The following GPHN variants were observed in gnomAD, a reference collection of about 807,000 sequenced individuals.
GPHN encodes the protein gephyrin.
A neutral mutation model predicts 95.5 loss-of-function variants in GPHN; 17 were observed. The ratio of observed to expected loss-of-function variants is 0.18; its 90% CI spans 0.12 to 0.27. The LOEUF (loss-of-function observed/expected upper bound fraction) is 0.27, where lower values mean the gene tolerates loss of function less well. Ranked by LOEUF, GPHN falls within the 10% of genes least tolerant of loss-of-function variation. The pLI, the probability that GPHN is intolerant of heterozygous loss-of-function variation, is 1.00. For missense variants in GPHN, 660 were observed against 978.1 expected (o/e 0.67, Z 4.34); for synonymous variants, 320 against 322.5 (o/e 0.99, Z 0.08).
Position 66,850,914 on chromosome 14 carries a change from TATG to T in GPHN, c.294+26351_294+26353del, listed in dbSNP as rs929940833. Among the ~76,000 whole-genome samples, 57 of 152,256 alleles carry T rather than the reference TATG, an allele frequency of 3.7e-4. No individual in the cohort carries two copies. In the East Asian group the frequency reaches 4.2e-3, roughly 11 times the overall value. On this transcript the variant is annotated intron_variant, in intron 4 of 22. Coordinates refer to ENST00000478722, the MANE Select transcript of GPHN (RefSeq NM_020806.5). ...AATGATAATGAGATTTTAAAAATGA[TATG>T]ATATTAACATATAATAATGTAATAT...
At chr14:66,525,087 A>G (rs1227817974) in intron 1 of GPHN, among the ~76,000 whole-genome samples, 1 of 152,162 alleles carries the variant, frequency 6.6e-6, no homozygotes, top group Non-Finnish European at 1.5e-5. Context: ...GTCTTCCCTA[A>G]TGATTGAACT....
chr14:67,199,148 G>A, the GPHN span: 5 of 1,548,420 alleles, frequency 3.2e-6, no homozygotes, highest in African/African-American at 1.4e-5. Context: ...AACCGCTACT[G>A]TGGGAACTGT....
intron 10 of GPHN, among the ~76,000 whole-genome samples, chr14:67,048,103 A>G (rs2075127801): frequency 6.6e-6 from 1 of 152,200 alleles, no homozygotes; most frequent in Non-Finnish European, 1.5e-5. Flanking sequence ...GATAACAAAG[A>G]TCCATATTGT....
At chr14:66,712,801 A>G (rs1249150195) in intron 2 of GPHN, among the ~76,000 whole-genome samples, 1 of 152,096 alleles carries the variant, frequency 6.6e-6, no homozygotes, top group Non-Finnish European at 1.5e-5. Flanking sequence ...ATCCACACCA[A>G]CATCTAATGG....
At chr14:67,545,036 G>A in the GPHN span, among the ~76,000 whole-genome samples, 1 of 152,218 alleles carries the variant, frequency 6.6e-6, no homozygotes, top group East Asian at 1.9e-4. Flanking sequence ...TTTGGCTGCT[G>A]TAAGAAAGAA....
At chr14:66,691,060 G>C (rs1242246641) in intron 2 of GPHN, among the ~76,000 whole-genome samples, 1 of 152,134 alleles carries the variant, frequency 6.6e-6, no homozygotes, top group Non-Finnish European at 1.5e-5. Context: ...ATTAAGTATA[G>C]GCTGGGTACA....
chr14:66,729,502 G>A (rs1179101048), intron 2 of GPHN, among the ~76,000 whole-genome samples: 1 of 152,034 alleles, frequency 6.6e-6, no homozygotes, highest in African/African-American at 2.4e-5. Flanking sequence ...TGGTTATAGC[G>A]ATCTACGAGT....
the GPHN span, chr14:67,320,980 CT>C: frequency 8.3e-7 from 1 of 1,206,656 alleles, no homozygotes; most frequent in Non-Finnish European, 1.2e-6. Flanking sequence ...AATAGAAATT[CT>C]TTCTGACTAG....
chr14:67,193,601 A>G, the GPHN span, among the ~76,000 whole-genome samples: 1 of 145,690 alleles, frequency 6.9e-6, no homozygotes, highest in Non-Finnish European at 1.5e-5. Context: ...ATATATATCT[A>G]TAGATATATA....
the GPHN span, among the ~76,000 whole-genome samples, chr14:67,669,052 A>T: frequency 2.2e-4 from 34 of 152,274 alleles, no homozygotes; most frequent in African/African-American, 7.7e-4. Context: ...TATTCTAAGG[A>T]CTTTACATAT....
intron 3 of GPHN, among the ~76,000 whole-genome samples, chr14:66,816,005 C>A (rs942539042): frequency 2.6e-5 from 4 of 152,122 alleles, no homozygotes; most frequent in Non-Finnish European, 5.9e-5. Context: ...CCAAGGGTTG[C>A]AGTTCTACTT....
intron 4 of GPHN, among the ~76,000 whole-genome samples, chr14:66,825,897 A>C (rs1052454694): frequency 2.0e-5 from 3 of 152,188 alleles, no homozygotes; most frequent in Non-Finnish European, 2.9e-5. Flanking sequence ...TGACTGACTG[A>C]AAAAGTACAA....
chr14:66,635,866 C>T (rs2064069618), intron 1 of GPHN, among the ~76,000 whole-genome samples: 2 of 151,900 alleles, frequency 1.3e-5, no homozygotes, highest in African/African-American at 4.8e-5. Flanking sequence ...AGGCCGGGCA[C>T]GGTGGCTCAC....
intron 2 of GPHN, among the ~76,000 whole-genome samples, chr14:66,692,297 A>G (rs2067831421): frequency 1.3e-5 from 2 of 152,164 alleles, no homozygotes; most frequent in Admixed American, 1.3e-4. Flanking sequence ...GTCATTAGGT[A>G]TAAGTTTACA....
intron 4 of GPHN, among the ~76,000 whole-genome samples, chr14:66,853,882 G>T (rs551976656): frequency 1.3e-5 from 2 of 152,174 alleles, no homozygotes; most frequent in Non-Finnish European, 2.9e-5. Flanking sequence ...GGATCCTTGA[G>T]AGTATTAAAA....
At chr14:67,047,672 CTTTTCA>C (rs2075101951) in intron 10 of GPHN, among the ~76,000 whole-genome samples, 2 of 152,210 alleles carry the variant, frequency 1.3e-5, no homozygotes, top group Non-Finnish European at 2.9e-5. Context: ...GACCCATTTC[CTTTTCA>C]TTTTAAAAAT....
At chr14:66,924,990 G>A (rs766460553) in intron 8 of GPHN, among the ~76,000 whole-genome samples, 2 of 151,934 alleles carry the variant, frequency 1.3e-5, no homozygotes, top group Non-Finnish European at 2.9e-5. Flanking sequence ...AATGAGAGGG[G>A]CAGAGAAGAA....
chr14:67,089,771 T>A (rs1362907398), intron 12 of GPHN, among the ~76,000 whole-genome samples: 1 of 152,158 alleles, frequency 6.6e-6, no homozygotes, highest in Non-Finnish European at 1.5e-5. Context: ...TATTTCAAAA[T>A]TCTGGCGCCC....
intron 4 of GPHN, among the ~76,000 whole-genome samples, chr14:66,845,294 G>A (rs372382309): frequency 5.9e-5 from 9 of 152,054 alleles, no homozygotes; most frequent in African/African-American, 2.2e-4. Context: ...AGAGATCAGG[G>A]AAACCACATA....
Sources: gnomAD v4.1 joint callset for allele counts (sites outside exome capture counted in the v4.1 genomes callset) on GRCh38, gnomAD v4.1.1 for gene constraint, MANE v1.5 for transcripts, NCBI Gene and HGNC (gene_info 2026-07-23, HGNC 2026-07-21) for gene names.